AGAP1: variants seen among roughly 807,000 people sequenced by gnomAD.
AGAP1 encodes ArfGAP with GTPase domain, ankyrin repeat and PH domain 1, also known as arf-GAP with GTPase, ANK repeat and PH domain-containing protein 1.
Under a neutral mutation model 105.3 loss-of-function variants are expected in AGAP1, and 29 were observed. The ratio of observed to expected loss-of-function variants is 0.28; its 90% confidence interval spans 0.21 to 0.38. The LOEUF is 0.38. AGAP1 is among the 10% of genes least tolerant of loss of function. AGAP1 has a pLI of 1.00. For synonymous variants in AGAP1, 509 were observed against 485.9 expected, an observed-to-expected ratio of 1.05 and a Z score of -0.63; for missense variants, 998 against 1,165.1, an observed-to-expected ratio of 0.86 and a Z score of 2.09.
intron 1 of AGAP1, among the ~76,000 whole-genome samples, chr2:235,708,974 G>T (rs1223820530): frequency 2.0e-5 from 3 of 152,200 alleles, no homozygotes; most frequent in Non-Finnish European, 4.4e-5. Context: ...ACCGACCACA[G>T]ACTTGGACCT....
At position 235,614,008 on chromosome 2, in the gene AGAP1, GTT is replaced by G. The variant is rs35126827; in HGVS notation, c.164-95160_164-95159del. Among the ~76,000 whole-genome samples the G allele has an allele frequency of 6.3e-4, 93 of 147,826 alleles. 1 individual carries two copies. Among genetic ancestry groups the G allele is most frequent in the Middle Eastern group, 3.4e-3 (1 of 290 alleles). ...GTCAGAATTCAGAATCTTTGGTATG[GTT>G]TTTTTTTTTTCCCCCTTTTGTGTGT... On this transcript the variant is annotated intron_variant, in intron 1 of 17. Transcript: ENST00000304032. This position sits in a 1 kb window ranked among gnomAD's most constrained non-coding sequence, Gnocchi z 4.7.
chr2:236,097,166 A>C (rs2059210913), intron 16 of AGAP1, among the ~76,000 whole-genome samples: 1 of 151,942 alleles, frequency 6.6e-6, no homozygotes. Flanking sequence ...TGGTGTTTGG[A>C]ATTGTGTCTT....
intron 9 of AGAP1, among the ~76,000 whole-genome samples, chr2:235,841,269 C>T (rs1267593571): frequency 6.6e-6 from 1 of 152,090 alleles, no homozygotes; most frequent in Non-Finnish European, 1.5e-5. Context: ...CGAACTGTTC[C>T]AGAAAGAAGT....
intron 13 of AGAP1, among the ~76,000 whole-genome samples, chr2:236,007,533 C>A (rs2056363414): frequency 6.6e-6 from 1 of 152,192 alleles, no homozygotes; most frequent in Non-Finnish European, 1.5e-5. Context: ...CATAATTATA[C>A]CTCTGATTAG....
At position 235,919,919 on chromosome 2, in the gene AGAP1, G is replaced by A. The variant is rs577415413; in HGVS notation, c.1325-10846G>A. Among the ~76,000 whole-genome samples the A allele has an allele frequency of 2.6e-5, 4 of 152,302 alleles. No homozygotes were observed. The highest frequency in any genetic ancestry group is 6.5e-5 in the Admixed American group (1 of 15,308). On this transcript the variant is annotated intron_variant, in intron 11 of 17. Coordinates refer to ENST00000304032, the MANE Select transcript of AGAP1 (RefSeq NM_001037131.3). This position sits in a 1 kb window ranked among gnomAD's most constrained non-coding sequence, Gnocchi z 4.1. ...AGATGGATTGTGGCCAAGACAAGCC[G>A]TACGATGGCGCTCTCCATAAACACT... is the stretch of plus-strand genomic sequence containing the variant.
intron 6 of AGAP1, among the ~76,000 whole-genome samples, chr2:235,775,998 A>T (rs1955830006): frequency 6.6e-6 from 1 of 152,144 alleles, no homozygotes; most frequent in Non-Finnish European, 1.5e-5. Context: ...TTTTCCTAAG[A>T]TATTTTCCTA....
chr2:235,792,381 G>A lies in AGAP1; in HGVS notation c.674-5378G>A, dbSNP rs570805611. Among the ~76,000 whole-genome samples, 1 of 152,258 alleles carries A rather than the reference G, an allele frequency of 6.6e-6. No individual in the cohort carries two copies. The highest frequency in any genetic ancestry group is 2.1e-4 in the South Asian group (1 of 4,824). On this transcript the variant is annotated intron_variant, in intron 6 of 17. Coordinates refer to ENST00000304032, the MANE Select transcript of AGAP1 (RefSeq NM_001037131.3). This position sits in a 1 kb window ranked among gnomAD's most constrained non-coding sequence, Gnocchi z 5.3. ...ATGGTCCTTATCCAGTAGTACTAAT[G>A]TGCGGAAATACCAGGAGTGGACAAG...
At chr2:235,852,647 A>C in intron 9 of AGAP1, 1 of 1,419,142 alleles carries the variant, frequency 7.0e-7, no homozygotes, top group Non-Finnish European at 9.3e-7. Flanking sequence ...CAGATAAAGC[A>C]GTTGTGAAGA....
rs376533013 is a variant in AGAP1 at position 236,087,751 on chromosome 2, A to G, written c.2115-32441A>G. ...GACATACCCATTTTCTTTGTCCATGAAGCACCAAATAAGAAGTTGGCGTCC... is the reference window on the plus strand; with the variant it reads ...GACATACCCATTTTCTTTGTCCATGGAGCACCAAATAAGAAGTTGGCGTCC... On this transcript the variant is annotated intron_variant, in intron 16 of 17. Coordinates refer to ENST00000304032, the MANE Select transcript of AGAP1 (RefSeq NM_001037131.3). The surrounding 1 kb of genome is among the most constrained non-coding windows in gnomAD (Gnocchi z 5.7). 1.7e-4 allele frequency among the ~76,000 whole-genome samples: 26 copies of G among 152,358 alleles called. No homozygotes were observed. The South Asian group carries it at 4.8e-3, about 28-fold the overall frequency.
chr2:235,648,654 A>G (rs1334287856), intron 1 of AGAP1, among the ~76,000 whole-genome samples: 1 of 149,844 alleles, frequency 6.7e-6, no homozygotes, highest in Non-Finnish European at 1.5e-5. Context: ...CAGGCAGATC[A>G]CTAGGTCAGG....
Position 235,744,743 on chromosome 2 carries a change from G to A in AGAP1, c.442G>A (p.Asp148Asn). 6.2e-7 allele frequency: 1 copy of A among 1,613,900 alleles called. No homozygotes were observed. The highest frequency in any genetic ancestry group is 1.1e-5 in the South Asian group (1 of 91,058). Reference protein sequence around the residue: ...DAVIFVFSLEDEISFQTVYHY... With the variant: ...DAVIFVFSLENEISFQTVYHY... ...TGTTATATTTGTCTTCAGCTTGGAG[G>A]ATGAAATAAGTTTCCAGACCGTTTA... Residue 148 changes from aspartate to asparagine, a missense_variant, in exon 5 of 18, where the codon GAT becomes AAT. Physicochemically the swap from Asp to Asn is conservative, Grantham distance 23. This residue lies in a region of AGAP1 where 735 missense variants were observed against 833.4 expected (regional missense o/e 0.88). Transcript: ENST00000304032. The surrounding 1 kb of genome is among the most constrained non-coding windows in gnomAD (Gnocchi z 5.2).
rs1953396121 is a variant in AGAP1 at position 235,751,120 on chromosome 2, T to C, written c.673+632T>C. On this transcript the variant is annotated intron_variant, in intron 6 of 17. Transcript: ENST00000304032. This position sits in a 1 kb window ranked among gnomAD's most constrained non-coding sequence, Gnocchi z 5.3. ...AGGTTCTGCAAGAGGGTCACATACT[T>C]GTGGATGATCATAGCGCCAGACGTC... is the stretch of plus-strand genomic sequence containing the variant. 6.6e-6 allele frequency among the ~76,000 whole-genome samples: 1 copy of C among 151,842 alleles called. No homozygotes were observed. Among genetic ancestry groups the C allele is most frequent in the African/African-American group, 2.4e-5 (1 of 41,308 alleles).
At chr2:235,537,605 A>C (rs957597533) in intron 1 of AGAP1, among the ~76,000 whole-genome samples, 1 of 152,246 alleles carries the variant, frequency 6.6e-6, no homozygotes, top group Admixed American at 6.5e-5. Context: ...GCAGCTCTCC[A>C]TGTGAAAATG....
chr2:235,619,662 C>T (rs1420442003), intron 1 of AGAP1, among the ~76,000 whole-genome samples: 2 of 152,182 alleles, frequency 1.3e-5, no homozygotes, highest in Admixed American at 6.5e-5. Flanking sequence ...CATGTCCACC[C>T]CTTTAATTTC....
At position 235,843,271 on chromosome 2, in the gene AGAP1, C is replaced by T. The variant is rs888923812; in HGVS notation, c.1050+35940C>T. ...AGCTTCGGCTGCGGCCTTCCAGCCC[C>T]CTGGGTCTCACTGCTTGCTGCCTCC... On this transcript the variant is annotated intron_variant, in intron 9 of 17. Transcript: ENST00000304032. This position sits in a 1 kb window ranked among gnomAD's most constrained non-coding sequence, Gnocchi z 5.9. Among the ~76,000 whole-genome samples, 5 of 152,120 alleles carry T rather than the reference C, an allele frequency of 3.3e-5. No homozygotes were observed. In the East Asian group the frequency reaches 9.7e-4, roughly 29 times the overall value.
At chr2:235,726,267 GCA>G (rs1041479563) in intron 3 of AGAP1, among the ~76,000 whole-genome samples, 3 of 152,178 alleles carry the variant, frequency 2.0e-5, no homozygotes, top group African/African-American at 7.2e-5. Context: ...TGAGGGCAGC[GCA>G]CAGAGGCTCA....
At chr2:235,589,728 T>G (rs1380139532) in intron 1 of AGAP1, among the ~76,000 whole-genome samples, 1 of 151,890 alleles carries the variant, frequency 6.6e-6, no homozygotes, top group Non-Finnish European at 1.5e-5. Context: ...ATGGAGATAA[T>G]TGGAGGAAGC....
intron 16 of AGAP1, among the ~76,000 whole-genome samples, chr2:236,102,973 C>A (rs1576311272): frequency 1.3e-5 from 2 of 148,818 alleles, no homozygotes; most frequent in African/African-American, 5.0e-5. Flanking sequence ...CACCTCTTGG[C>A]TCTGCCTATC....
intron 1 of AGAP1, among the ~76,000 whole-genome samples, chr2:235,595,988 G>T (rs577453009): frequency 6.6e-6 from 1 of 152,288 alleles, no homozygotes; most frequent in South Asian, 2.1e-4. Context: ...TGTGTACAGG[G>T]GCCGGCAGAT....
Sources: gnomAD v4.1 joint callset for allele counts (sites outside exome capture counted in the v4.1 genomes callset) on GRCh38, gnomAD v4.1.1 for gene constraint, gnomAD v4.1.1 regional missense constraint, Gnocchi (gnomAD v3.1) non-coding constraint, MANE v1.5 for transcripts, NCBI Gene and HGNC (gene_info 2026-07-23, HGNC 2026-07-21) for gene names.